Variants in REPS1 observed in about 807,000 individuals in gnomAD.
REPS1 encodes RALBP1 associated Eps domain containing 1.
Under a neutral mutation model 100.9 loss-of-function variants are expected in REPS1, and 39 were observed. The observed-to-expected ratio is 0.39, with a 90% CI of 0.30 to 0.50. The LOEUF is 0.50. Ranked by LOEUF, REPS1 falls within the 20% of genes least tolerant of loss-of-function variation. The pLI is 0.86. For synonymous variants in REPS1, 324 were observed against 340.3 expected (o/e 0.95, Z 0.53); for missense variants, 821 against 968.5 (o/e 0.85, Z 2.02).
intron 10 of REPS1, 92 bp from the exon 11 acceptor site, chr6:138,921,216 G>A (rs1780733200): frequency 2.5e-6 from 2 of 793,998 alleles, no homozygotes; most frequent in Non-Finnish European, 4.1e-6. Context: ...AAAAACCAGT[G>A]GACAGGCTTT....
intron 1 of REPS1, among the ~76,000 whole-genome samples, chr6:138,952,831 T>G (rs962482402): frequency 1.4e-5 from 2 of 146,758 alleles, no homozygotes; most frequent in African/African-American, 5.1e-5. Flanking sequence ...GTTTTTTGTT[T>G]TTGTTTTTTT....
At chr6:138,920,517 T>C (rs1164802146) in intron 11 of REPS1, among the ~76,000 whole-genome samples, 2 of 152,222 alleles carry the variant, frequency 1.3e-5, no homozygotes, top group Non-Finnish European at 2.9e-5. Context: ...TAATAGAAGA[T>C]AGTTTATAAT....
chr6:138,984,653 T>C (rs963865460), intron 1 of REPS1, among the ~76,000 whole-genome samples: 1 of 152,122 alleles, frequency 6.6e-6, no homozygotes, highest in African/African-American at 2.4e-5. Context: ...ACTGGCCCAG[T>C]TTCTCACTTC....
At chr6:138,947,035 GCTCTCTCTCTCTCT>G (rs10581264) in intron 2 of REPS1, among the ~76,000 whole-genome samples, 110 of 137,714 alleles carry the variant, frequency 8.0e-4, no homozygotes, top group Middle Eastern at 3.8e-3. Flanking sequence ...ATTCCCCCTT[GCTCTCTCTCTCTCT>G]CTCTCTCTCT....
chr6:138,949,374 G>A (rs1436198270), intron 1 of REPS1, among the ~76,000 whole-genome samples: 1 of 152,168 alleles, frequency 6.6e-6, no homozygotes, highest in African/African-American at 2.4e-5. Context: ...TTCCTGACTT[G>A]CCCAACTTGT....
intron 12 of REPS1, among the ~76,000 whole-genome samples, chr6:138,919,923 C>T (rs576805614): frequency 2.6e-5 from 4 of 152,236 alleles, no homozygotes; most frequent in African/African-American, 9.6e-5. Context: ...TTAACACTGG[C>T]TGAATGAAAG....
intron 19 of REPS1, among the ~76,000 whole-genome samples, chr6:138,906,492 A>G (rs970032864): frequency 6.6e-5 from 10 of 152,212 alleles, no homozygotes; most frequent in African/African-American, 2.4e-4. Flanking sequence ...TTTGGATGGT[A>G]TATTACGTGG....
Position 138,987,996 on chromosome 6 carries a change from G to A in REPS1, c.-314C>T. 1 of 394,140 alleles carries A rather than the reference G, an allele frequency of 2.5e-6. No homozygotes were observed. Among genetic ancestry groups the A allele is most frequent in the Non-Finnish European group, 4.5e-6 (1 of 223,274 alleles). The allele number at this position is 394,140 out of a possible 1,614,324, so 24.4% of individuals were successfully genotyped here. ...GTGCAGAGAAAGAGGCGGGGGCCGC[G>A]GAGGCGCGAGGCACTGGCGGACTCC... On this transcript the variant is annotated 5_prime_UTR_variant, in exon 1 of 20. Coordinates refer to ENST00000450536, the MANE Select transcript of REPS1 (RefSeq NM_001286611.2).
intron 12 of REPS1, among the ~76,000 whole-genome samples, chr6:138,918,086 T>C (rs1419970576): frequency 6.7e-6 from 1 of 148,288 alleles, no homozygotes; most frequent in African/African-American, 2.5e-5. Flanking sequence ...TGTGTGTGTG[T>C]GTATGTTTGT....
intron 1 of REPS1, among the ~76,000 whole-genome samples, chr6:138,963,389 T>C (rs971914896): frequency 6.6e-6 from 1 of 152,196 alleles, no homozygotes; most frequent in Non-Finnish European, 1.5e-5. Flanking sequence ...TTAGGTACAC[T>C]GAAATCCACT....
intron 1 of REPS1, among the ~76,000 whole-genome samples, chr6:138,974,330 G>A (rs923677361): frequency 1.3e-5 from 2 of 152,042 alleles, no homozygotes; most frequent in Admixed American, 6.5e-5. Context: ...GAAATGGCAC[G>A]CTTATTACAA....
At chr6:138,974,460 T>C (rs1784493842) in intron 1 of REPS1, among the ~76,000 whole-genome samples, 1 of 152,224 alleles carries the variant, frequency 6.6e-6, no homozygotes, top group African/African-American at 2.4e-5. Context: ...ACAATGACTA[T>C]GTGTCCAGGT....
Position 138,987,846 on chromosome 6 carries a change from C to G in REPS1, c.-164G>C, listed in dbSNP as rs1785366888. 1 of 790,482 alleles carries G rather than the reference C, an allele frequency of 1.3e-6. No homozygotes were observed. Among genetic ancestry groups the G allele is most frequent in the African/African-American group, 1.8e-5 (1 of 55,686 alleles). The allele number at this position is 790,482 out of a possible 1,614,324, so 49.0% of individuals were successfully genotyped here. ...CCAGGTGCGCCCGAGCAACAGGGCC[C>G]GGAGGTCGCGAGGAGGGGGCCCGGC... is the stretch of plus-strand genomic sequence containing the variant. On this transcript the variant is annotated 5_prime_UTR_variant, in exon 1 of 20. Coordinates refer to ENST00000450536, the MANE Select transcript of REPS1 (RefSeq NM_001286611.2).
chr6:138,941,540 T>C, intron 7 of REPS1, 51 bp from the exon 8 acceptor site: 1 of 1,520,692 alleles, frequency 6.6e-7, no homozygotes, highest in South Asian at 1.2e-5. Flanking sequence ...TTGGATCCTT[T>C]TATTTCTCAA....
intron 1 of REPS1, among the ~76,000 whole-genome samples, chr6:138,979,195 A>C (rs1426456672): frequency 1.6e-5 from 2 of 125,986 alleles, no homozygotes; most frequent in Admixed American, 7.2e-5. Flanking sequence ...AAAAAAAAAA[A>C]AACAAAAAAA....
chr6:138,926,055 A>G (rs960091332), intron 10 of REPS1, among the ~76,000 whole-genome samples: 3 of 152,244 alleles, frequency 2.0e-5, no homozygotes, highest in African/African-American at 7.2e-5. Context: ...GTGTAAGCAT[A>G]CAGATAATAC....
intron 14 of REPS1, 93 bp from the exon 15 acceptor site, chr6:138,914,854 G>T: frequency 9.3e-7 from 1 of 1,075,594 alleles, no homozygotes; most frequent in Non-Finnish European, 1.4e-6. Context: ...ACATGATAAA[G>T]ATTTCTAAGA....
chr6:138,907,379 A>C, intron 19 of REPS1, 116 bp downstream of exon 19: 1 of 639,890 alleles, frequency 1.6e-6, no homozygotes. Flanking sequence ...AAGCATCTAG[A>C]AAATTAGAGA....
In REPS1 at chr6:138,905,061, G is replaced by A. The variant is rs2128418575; in HGVS notation, c.*3C>T. On this transcript the variant is annotated 3_prime_UTR_variant, in exon 20 of 20. Transcript: ENST00000450536. ...AGTATGTTCACAGTTAACGGCAATTGGCTTATAGGTGAGAGAATGGTCGAA... is the reference window on the plus strand; with the variant it reads ...AGTATGTTCACAGTTAACGGCAATTAGCTTATAGGTGAGAGAATGGTCGAA... 3 of 1,613,734 alleles carry A rather than the reference G, an allele frequency of 1.9e-6. No individual in the cohort carries two copies. The highest frequency in any genetic ancestry group is 2.2e-5 in the East Asian group (1 of 44,852).
Sources: allele counts gnomAD v4.1 joint callset (sites outside exome capture counted in the v4.1 genomes callset), GRCh38; gene constraint gnomAD v4.1.1; transcripts MANE v1.5; gene names NCBI Gene and HGNC (gene_info 2026-07-23, HGNC 2026-07-21).